The following TRMO variants were observed in gnomAD, a reference collection of about 807,000 sequenced individuals.
TRMO encodes the protein tRNA (adenine(37)-N6)-methyltransferase.
In TRMO, 30 loss-of-function variants were observed where a neutral mutation model predicts 37.2. The observed-to-expected ratio is 0.81, with a 90% CI of 0.60 to 1.09. The LOEUF (loss-of-function observed/expected upper bound fraction) is 1.09. TRMO is among the 50% of genes least tolerant of loss of function. The probability of loss-of-function intolerance (pLI) is 0.00; values close to 1 mark genes in which losing one functional copy is unlikely to be tolerated. For synonymous variants in TRMO, 239 were observed against 199.4 expected (o/e 1.20, Z -1.67); for missense variants, 552 against 549.5 (o/e 1.00, Z -0.05).
chr9:97,919,255 G>A (rs1344335333), intron 1 of TRMO, among the ~76,000 whole-genome samples: 2 of 151,788 alleles, frequency 1.3e-5, no homozygotes, highest in South Asian at 2.1e-4. Flanking sequence ...AAGACCCCTA[G>A]CCCAGCCACA....
chr9:97,905,000 G>T lies in TRMO; in HGVS notation c.1067-8C>A. The T allele has an allele frequency of 3.1e-6, 5 of 1,607,958 alleles. No individual in the cohort carries two copies. Among genetic ancestry groups the T allele is most frequent in the Non-Finnish European group, 4.2e-6 (5 of 1,176,502 alleles). On this transcript the variant is annotated splice_region_variant and splice_polypyrimidine_tract_variant and intron_variant, in intron 4 of 4. Transcript: ENST00000375119. ...ATGACGCCTGACCAACATCTGCAAT[G>T]AAAAAAACACAACTTAATGAGCACT...
chr9:97,903,072 G>A (rs1443822848), downstream of TRMO, among the ~76,000 whole-genome samples: 1 of 152,102 alleles, frequency 6.6e-6, no homozygotes, highest in Non-Finnish European at 1.5e-5. Flanking sequence ...TTCAAGACCA[G>A]CCTGGGCAAT....
At position 97,913,574 on chromosome 9, in the gene TRMO, C is replaced by G; in HGVS notation, c.252-16G>C. ...AAACAAAATCCTATAGAAAACAAAA[C>G]AAAACAAACCACGGAATAAGAAAAG... On this transcript the variant is annotated splice_polypyrimidine_tract_variant and intron_variant, in intron 2 of 4. Transcript: ENST00000375119. 6.5e-7 allele frequency: 1 copy of G among 1,531,806 alleles called. No individual in the cohort carries two copies. The highest frequency in any genetic ancestry group is 9.0e-7 in the Non-Finnish European group (1 of 1,110,510). 94.9% of individuals were successfully genotyped at this position (1,531,806 alleles called of 1,614,324 possible).
intron 4 of TRMO, among the ~76,000 whole-genome samples, chr9:97,906,126 C>A (rs1012701928): frequency 1.3e-5 from 2 of 150,458 alleles, no homozygotes; most frequent in African/African-American, 4.9e-5. Flanking sequence ...CCACTGCACT[C>A]CAGCCTGGGT....
intron 2 of TRMO, among the ~76,000 whole-genome samples, chr9:97,915,233 A>G (rs1019376068): frequency 1.6e-4 from 24 of 152,198 alleles, no homozygotes; most frequent in Non-Finnish European, 2.4e-4. Flanking sequence ...GGTAACACTT[A>G]AAGTATCCAG....
At position 97,922,417 on chromosome 9, in the gene TRMO, C is replaced by A; in HGVS notation, c.76+1G>T. The stretch of plus-strand genomic sequence containing the variant: ...GTGGCACCGCCGGTGTTGGAAGTTA[C>A]CTGTCTCCAGAGCCGGCTTAACGCA... On this transcript the variant is annotated splice_donor_variant, in intron 1 of 4. Coordinates refer to ENST00000375119, the MANE Select transcript of TRMO (RefSeq NM_016481.5). LOFTEE classifies it high-confidence loss of function. 11 of 1,575,246 alleles carry A rather than the reference C, an allele frequency of 7.0e-6. No homozygotes were observed. Among genetic ancestry groups the A allele is most frequent in the Non-Finnish European group, 6.9e-6 (8 of 1,158,710 alleles).
At chr9:97,916,367 T>C (rs1370251864) in intron 1 of TRMO, 29 bp from the exon 2 acceptor site, 2 of 1,562,860 alleles carry the variant, frequency 1.3e-6, no homozygotes, top group Non-Finnish European at 1.7e-6. Flanking sequence ...TAAAAAGTTA[T>C]TAGTCAAAAG....
intron 1 of TRMO, among the ~76,000 whole-genome samples, chr9:97,921,209 A>G (rs891321691): frequency 1.3e-5 from 2 of 152,248 alleles, no homozygotes; most frequent in African/African-American, 2.4e-5. Context: ...CAAACTGGCA[A>G]TAACTTAAAT....
downstream of TRMO, among the ~76,000 whole-genome samples, chr9:97,901,572 G>A (rs568831386): frequency 6.6e-6 from 1 of 152,136 alleles, no homozygotes; most frequent in East Asian, 1.9e-4. Context: ...GTGTACATGC[G>A]TGTGTGTACA....
At chr9:97,899,495 G>A (rs1465935133), downstream of TRMO, among the ~76,000 whole-genome samples, 1 of 151,868 alleles carries the variant, frequency 6.6e-6, no homozygotes, top group Non-Finnish European at 1.5e-5. Flanking sequence ...CTGGAGTGCA[G>A]TGGCACAATC....
At chr9:97,909,105 C>A (rs1169853987) in intron 4 of TRMO, among the ~76,000 whole-genome samples, 2 of 152,136 alleles carry the variant, frequency 1.3e-5, no homozygotes, top group African/African-American at 4.8e-5. Flanking sequence ...CAGGCACCTG[C>A]CACCAAAACT....
rs2131539629 is a variant in TRMO, at chr9:97,918,364, C to T, written c.77-2026G>A. On this transcript the variant is annotated intron_variant, in intron 1 of 4. Transcript: ENST00000375119. ...CAAGATCACGCCACTGCACTCCAACCTAGGTGAGCGAGACTCCATCTCAAA... is the reference window on the plus strand; with the variant it reads ...CAAGATCACGCCACTGCACTCCAACTTAGGTGAGCGAGACTCCATCTCAAA... Among the ~76,000 whole-genome samples, 4 of 148,982 alleles carry T rather than the reference C, an allele frequency of 2.7e-5. No individual in the cohort carries two copies. In the Middle Eastern group the frequency reaches 0.01, roughly 383 times the overall value.
chr9:97,909,021 C>T (rs1009288120), intron 4 of TRMO, among the ~76,000 whole-genome samples: 1 of 152,222 alleles, frequency 6.6e-6, no homozygotes, highest in Non-Finnish European at 1.5e-5. Flanking sequence ...GTGGCAACAT[C>T]TCGGCTCACT....
At chr9:97,913,886 C>T (rs1010485794) in intron 2 of TRMO, 8 of 220,312 alleles carry the variant, frequency 3.6e-5, no homozygotes, top group Admixed American at 1.6e-4. Flanking sequence ...CATTTTTACA[C>T]TCATTTCATA....
intron 1 of TRMO, among the ~76,000 whole-genome samples, 190 bp from the exon 2 acceptor site, chr9:97,916,528 A>T (rs1826370497): frequency 6.6e-6 from 1 of 152,150 alleles, no homozygotes; most frequent in Non-Finnish European, 1.5e-5. Flanking sequence ...ACATACACAT[A>T]CATCATTACA....
In TRMO at chr9:97,910,553, G is replaced by C. The variant is rs754731854; in HGVS notation, c.473C>G (p.Pro158Arg). Residue 158 changes from proline (P) to arginine (R), a missense_variant, in exon 4 of 5, where the codon CCC becomes CGC. Pro to Arg is a moderately radical substitution (Grantham distance 103). Coordinates refer to ENST00000375119, the MANE Select transcript of TRMO (RefSeq NM_016481.5). Reference protein sequence around the residue: ...IHGTPVLDIKPYIAEYDSPQN... With the variant: ...IHGTPVLDIKRYIAEYDSPQN... Reference sequence around the variant, plus strand: ...CGGTGAGTCATACTCAGCTATGTAGGGCTTGATGTCTAGTACGGGTGTGCC... The same window carrying C: ...CGGTGAGTCATACTCAGCTATGTAGCGCTTGATGTCTAGTACGGGTGTGCC... The C allele has an allele frequency of 6.2e-7, 1 of 1,614,102 alleles. No homozygotes were observed. Among genetic ancestry groups the C allele is most frequent in the Non-Finnish European group, 8.5e-7 (1 of 1,179,984 alleles).
Position 97,910,619 on chromosome 9 carries a change from A to G in TRMO, c.410-3T>C. On this transcript the variant is annotated splice_polypyrimidine_tract_variant and splice_region_variant and intron_variant, in intron 3 of 4. Transcript: ENST00000375119. ...TCCAGAAAGGTATATAGCTCCACCTATGACATAAAAACGTGAAAAATGAAG... is the reference window on the plus strand; with the variant it reads ...TCCAGAAAGGTATATAGCTCCACCTGTGACATAAAAACGTGAAAAATGAAG... 3.1e-6 allele frequency: 5 copies of G among 1,612,066 alleles called. No individual in the cohort carries two copies. Among genetic ancestry groups the G allele is most frequent in the South Asian group, 1.1e-5 (1 of 91,066 alleles).
Position 97,916,216 on chromosome 9 carries a change from A to AGATC in TRMO, c.195_198dup (p.Phe67AspfsTer3). On this transcript the variant is annotated frameshift_variant, in exon 2 of 5. Transcript: ENST00000375119. LOFTEE classifies it high-confidence loss of function. ...ATCAAGGAATGTTCAGGATTATTAAAGATCCTCTTTCTAATCCTCAAACAG... is the reference window on the plus strand; with the variant it reads ...ATCAAGGAATGTTCAGGATTATTAAAGATCGATCCTCTTTCTAATCCTCAAACAG... 1 of 1,613,580 alleles carries AGATC rather than the reference A, an allele frequency of 6.2e-7. No homozygotes were observed. The highest frequency in any genetic ancestry group is 8.5e-7 in the Non-Finnish European group (1 of 1,179,552).
At chr9:97,922,305 A>T (rs1000579982) in intron 1 of TRMO, 113 bp downstream of exon 1, 8 of 726,912 alleles carry the variant, frequency 1.1e-5, no homozygotes, top group Non-Finnish European at 1.8e-5. Context: ...CGTAGGTAAA[A>T]GAATGACGCA....
Sources: allele counts gnomAD v4.1 joint callset (sites outside exome capture counted in the v4.1 genomes callset), GRCh38; gene constraint gnomAD v4.1.1; transcripts MANE v1.5; gene names NCBI Gene and HGNC (gene_info 2026-07-23, HGNC 2026-07-21).